HDX: variants seen among roughly 807,000 people sequenced by gnomAD.
HDX encodes the protein highly divergent homeobox.
HDX carries 19 observed loss-of-function variants against 45.2 expected under a neutral mutation model. That is an observed-to-expected ratio of 0.42 (90% confidence interval 0.29 to 0.62). HDX has a LOEUF of 0.62. Ranked by LOEUF, HDX falls within the 20% of genes least tolerant of loss-of-function variation. HDX has a pLI of 0.20. For synonymous variants in HDX, 188 were observed against 172.8 expected, an observed-to-expected ratio of 1.09 and a Z score of -0.69; for missense variants, 532 against 493.9, an observed-to-expected ratio of 1.08 and a Z score of -0.73.
intron 1 of HDX, among the ~76,000 whole-genome samples, chrX:84,500,938 G>A (rs1274432103): frequency 7.2e-5 from 8 of 111,602 alleles, no homozygotes; most frequent in Non-Finnish European, 1.3e-4. Context: ...TAAGGATTTG[G>A]GGCACAGGTG....
At chrX:84,491,550 T>C (rs932329729) in intron 1 of HDX, among the ~76,000 whole-genome samples, 2 of 112,007 alleles carry the variant, frequency 1.8e-5, no homozygotes, top group African/African-American at 6.5e-5. Flanking sequence ...ATATGGGTTG[T>C]ATATTTTCCT....
At chrX:84,330,078 G>A (rs748318236) in intron 9 of HDX, among the ~76,000 whole-genome samples, 1 of 111,314 alleles carries the variant, frequency 9.0e-6, no homozygotes, top group South Asian at 3.7e-4. Flanking sequence ...ACAAAATATG[G>A]TATCTGTGGT....
intron 5 of HDX, among the ~76,000 whole-genome samples, chrX:84,399,677 G>T (rs1428250348): frequency 9.0e-6 from 1 of 111,530 alleles, no homozygotes; most frequent in Admixed American, 9.5e-5. Context: ...CTATTCCAAA[G>T]AATTGAAAAG....
At chrX:84,416,717 G>C (rs746290794) in intron 5 of HDX, among the ~76,000 whole-genome samples, 1 of 111,327 alleles carries the variant, frequency 9.0e-6, no homozygotes, top group Non-Finnish European at 1.9e-5. Context: ...CAATTAAAAA[G>C]TAAAAAGCTG....
chrX:84,324,672 A>G (rs977221993), intron 10 of HDX, among the ~76,000 whole-genome samples: 11 of 111,397 alleles, frequency 9.9e-5, no homozygotes, highest in African/African-American at 3.6e-4. Flanking sequence ...TGGGAAAAGA[A>G]CCAAACCAGG....
chrX:84,494,950 A>T (rs1248446265), intron 1 of HDX, among the ~76,000 whole-genome samples: 6 of 111,755 alleles, frequency 5.4e-5, no homozygotes, highest in Non-Finnish European at 9.4e-5. Flanking sequence ...CTAAGTGTCT[A>T]TCAACAGATG....
At chrX:84,412,048 A>T (rs1279821830) in intron 5 of HDX, among the ~76,000 whole-genome samples, 1 of 111,247 alleles carries the variant, frequency 9.0e-6, no homozygotes, top group African/African-American at 3.3e-5. Context: ...CTTTGAGCCT[A>T]TGGGTGTCAT....
intron 7 of HDX, among the ~76,000 whole-genome samples, chrX:84,341,381 G>A (rs2037081927): frequency 9.0e-6 from 1 of 111,039 alleles, no homozygotes; most frequent in Non-Finnish European, 1.9e-5. Context: ...CTATTTCCCT[G>A]TACACTTAAT....
At chrX:84,477,969 C>T (rs186447600) in intron 2 of HDX, among the ~76,000 whole-genome samples, 1 of 111,481 alleles carries the variant, frequency 9.0e-6, no homozygotes, top group East Asian at 2.8e-4. Flanking sequence ...AAGACAACCT[C>T]GGTTTATGCT....
intron 4 of HDX, among the ~76,000 whole-genome samples, chrX:84,448,694 A>G (rs1008044092): frequency 7.2e-5 from 8 of 111,247 alleles, no homozygotes; most frequent in African/African-American, 2.0e-4. Context: ...GGCAACTGTT[A>G]TACCAGATGC....
intron 5 of HDX, among the ~76,000 whole-genome samples, chrX:84,431,562 C>T (rs2039505378): frequency 9.0e-6 from 1 of 110,904 alleles, no homozygotes; most frequent in Non-Finnish European, 1.9e-5. Context: ...TGTGAGATAT[C>T]TTGTTGTGAT....
At chrX:84,455,807 A>G (rs1219886585) in intron 4 of HDX, among the ~76,000 whole-genome samples, 1 of 112,459 alleles carries the variant, frequency 8.9e-6, no homozygotes, top group Non-Finnish European at 1.9e-5. Context: ...AGGATAAAAA[A>G]GAATCCTAAA....
chrX:84,354,930 CATATATAT>C (rs72331919), intron 6 of HDX, among the ~76,000 whole-genome samples: 23,601 of 74,588 alleles, frequency 0.32, 3,149 homozygotes, highest in Middle Eastern at 0.48. Context: ...CACACACACA[CATATATAT>C]ATATATATAT....
rs576722041 is a variant in HDX, at chrX:84,326,696, T to G, written c.1825-396A>C. Among the ~76,000 whole-genome samples the G allele has an allele frequency of 2.7e-5, 3 of 110,196 alleles. No homozygotes were observed. In the East Asian group the frequency reaches 8.7e-4, roughly 32 times the overall value. On this transcript the variant is annotated intron_variant, in intron 9 of 10. Coordinates refer to ENST00000373177, the MANE Select transcript of HDX (RefSeq NM_001177479.2). ...GGAGGCCGAGGCGGGTGGATCACCT[T>G]AGGTCAGAAGTTTGAGACCAGCCTG...
intron 4 of HDX, among the ~76,000 whole-genome samples, chrX:84,459,023 T>C (rs1261993516): frequency 8.9e-6 from 1 of 112,512 alleles, no homozygotes; most frequent in Non-Finnish European, 1.9e-5. Context: ...AATGGAATTA[T>C]ATCAAGTATC....
At chrX:84,438,757 G>A (rs1303426915) in intron 5 of HDX, among the ~76,000 whole-genome samples, 1 of 111,310 alleles carries the variant, frequency 9.0e-6, no homozygotes, top group Non-Finnish European at 1.9e-5. Flanking sequence ...GTATTTCATG[G>A]TGTATATGTA....
intron 5 of HDX, among the ~76,000 whole-genome samples, chrX:84,390,072 C>T (rs1373793255): frequency 1.1e-4 from 12 of 110,355 alleles, no homozygotes; most frequent in Non-Finnish European, 1.9e-5. Flanking sequence ...TCTATCCACC[C>T]TCATATATTT....
chrX:84,479,897 T>C (rs1452423844), intron 2 of HDX, among the ~76,000 whole-genome samples: 1 of 111,259 alleles, frequency 9.0e-6, no homozygotes, highest in East Asian at 2.8e-4. Context: ...TTTAATTGGG[T>C]TGTTTACTTA....
chrX:84,435,351 A>T lies in HDX; in HGVS notation c.1305+5181T>A, dbSNP rs1354277748. Among the ~76,000 whole-genome samples the T allele has an allele frequency of 3.6e-5, 4 of 111,048 alleles. No individual in the cohort carries two copies. In the East Asian group the frequency reaches 1.1e-3, roughly 32 times the overall value. ...TTTTCATGTGTTTTTTGGCTGCATA[A>T]ATGTCTTCTTTTGAGAAATGTCTGT... On this transcript the variant is annotated intron_variant, in intron 5 of 10. Coordinates refer to ENST00000373177, the MANE Select transcript of HDX (RefSeq NM_001177479.2).
Sources: gnomAD v4.1 joint callset for allele counts (sites outside exome capture counted in the v4.1 genomes callset) on GRCh38, gnomAD v4.1.1 for gene constraint, MANE v1.5 for transcripts, NCBI Gene and HGNC (gene_info 2026-07-23, HGNC 2026-07-21) for gene names.